The following PRMT7 variants were observed in gnomAD, a reference collection of about 807,000 sequenced individuals.
The protein encoded by PRMT7 is protein arginine N-methyltransferase 7.
In PRMT7, 75 loss-of-function variants were observed where a neutral mutation model predicts 85.4. The observed-to-expected ratio is 0.88, with a 90% CI of 0.73 to 1.06. PRMT7 has a LOEUF of 1.06. Among genes scored for constraint, PRMT7 ranks in the 50% least tolerant of loss-of-function variants. PRMT7 has a pLI of 0.00. For missense variants in PRMT7, 868 were observed against 915.2 expected (o/e 0.95, Z 0.67); for synonymous variants, 397 against 359.5 (o/e 1.10, Z -1.18).
intron 4 of PRMT7, chr16:68,323,982 T>C (rs1306447379): frequency 1.3e-5 from 2 of 152,190 alleles, no homozygotes; most frequent in Non-Finnish European, 2.9e-5. Flanking sequence ...TTAGTGAAGC[T>C]CTCTGAGTTA....
chr16:68,326,765 G>A (rs1251839688), intron 5 of PRMT7, among the ~76,000 whole-genome samples: 1 of 152,170 alleles, frequency 6.6e-6, no homozygotes, highest in Non-Finnish European at 1.5e-5. Context: ...ACACAGAATG[G>A]ATGTCGGGAG....
intron 17 of PRMT7, 122 bp downstream of exon 17, chr16:68,356,005 C>A: frequency 9.0e-7 from 1 of 1,109,766 alleles, no homozygotes; most frequent in Non-Finnish European, 1.2e-6. Context: ...TTCGTCCTCC[C>A]CACAACCTTG....
chr16:68,316,509 T>A (rs1369983195), intron 3 of PRMT7, among the ~76,000 whole-genome samples: 1 of 152,200 alleles, frequency 6.6e-6, no homozygotes, highest in Non-Finnish European at 1.5e-5. Flanking sequence ...CTCACGCCTC[T>A]AATCCTAGCA....
chr16:68,352,068 A>G, intron 14 of PRMT7, 180 bp from the exon 15 acceptor site: 1 of 598,502 alleles, frequency 1.7e-6, no homozygotes, highest in Non-Finnish European at 2.9e-6. Flanking sequence ...TTGTTGACTG[A>G]GGGAGGGAGG....
At chr16:68,340,089 C>A in intron 9 of PRMT7, 121 bp downstream of exon 9, 1 of 1,151,270 alleles carries the variant, frequency 8.7e-7, no homozygotes, top group Non-Finnish European at 1.2e-6. Flanking sequence ...GTGTCAGAAT[C>A]AAAGACAAAA....
intron 3 of PRMT7, among the ~76,000 whole-genome samples, chr16:68,318,275 C>A (rs2082104710): frequency 6.6e-6 from 1 of 151,168 alleles, no homozygotes; most frequent in Non-Finnish European, 1.5e-5. Flanking sequence ...TCTCTGCTCA[C>A]TGCAAGCTCC....
At chr16:68,325,249 A>G (rs367758014) in intron 5 of PRMT7, among the ~76,000 whole-genome samples, 9 of 152,362 alleles carry the variant, frequency 5.9e-5, no homozygotes, top group African/African-American at 1.7e-4. Context: ...TGTTCCAGCT[A>G]TTCTTGAGGC....
chr16:68,355,531 G>A lies in PRMT7; in HGVS notation c.1651-192G>A, dbSNP rs186826766. ...CCGGAGAGCGAGGCTCAGAGCCAGC[G>A]GTGCCTGGGGAGCCACTGATGAGAG... On this transcript the variant is annotated intron_variant, in intron 16 of 18. Coordinates refer to ENST00000441236, the MANE Select transcript of PRMT7 (RefSeq NM_019023.5). 4.4e-4 allele frequency: 219 copies of A among 495,406 alleles called. 1 individual carries two copies. The highest frequency in any genetic ancestry group is 3.5e-3 in the African/African-American group (176 of 50,678). 30.7% of individuals were successfully genotyped at this position (495,406 alleles called of 1,614,324 possible).
At chr16:68,344,557 C>T (rs962929034) in intron 9 of PRMT7, among the ~76,000 whole-genome samples, 2 of 152,042 alleles carry the variant, frequency 1.3e-5, no homozygotes, top group Non-Finnish European at 2.9e-5. Context: ...CCAGTTTTTG[C>T]TGGTATAAAT....
intron 4 of PRMT7, among the ~76,000 whole-genome samples, chr16:68,323,031 CA>C (rs954853011): frequency 1.5e-4 from 21 of 142,992 alleles, no homozygotes; most frequent in East Asian, 4.0e-4. Context: ...GACTCCGTCT[CA>C]AAAAAAAAAA....
intron 6 of PRMT7, among the ~76,000 whole-genome samples, chr16:68,335,931 C>T (rs1251979854): frequency 6.6e-6 from 1 of 152,112 alleles, no homozygotes; most frequent in African/African-American, 2.4e-5. Context: ...CACCCATCAC[C>T]ACGCCTGGCT....
intron 3 of PRMT7, 129 bp from the exon 4 acceptor site, chr16:68,321,297 G>T: frequency 2.9e-6 from 2 of 684,316 alleles, no homozygotes; most frequent in Non-Finnish European, 4.7e-6. Flanking sequence ...AAAGATAAAA[G>T]ACAACCAAAA....
intron 16 of PRMT7, chr16:68,355,311 T>C (rs1319126657): frequency 6.4e-6 from 1 of 156,672 alleles, no homozygotes; most frequent in African/African-American, 2.4e-5. Flanking sequence ...TGGATGCAGG[T>C]GCCCCCAGCC....
chr16:68,350,472 G>A (rs1349351586), intron 14 of PRMT7, among the ~76,000 whole-genome samples: 1 of 152,034 alleles, frequency 6.6e-6, no homozygotes, highest in Non-Finnish European at 1.5e-5. Flanking sequence ...TGGGAGTGTG[G>A]TGATGTCTCC....
rs1250427531 is a variant in PRMT7 at position 68,355,762 on chromosome 16, C to T, written c.1690C>T (p.His564Tyr). ...CAGGGAGAGCAGGGAAGCTGAGCCCCACCCGCTGTGGGAGTACCCATGCCG... is the reference window on the plus strand; with the variant it reads ...CAGGGAGAGCAGGGAAGCTGAGCCCTACCCGCTGTGGGAGTACCCATGCCG... ...DFRESREAEP[H>Y]PLWEYPCRSL... The change falls in exon 17 of 19, where the codon CAC becomes TAC. Residue 564 changes from histidine to tyrosine, a missense_variant. By Grantham distance (83) the His-to-Tyr change is moderately conservative (BLOSUM62 2). Transcript: ENST00000441236. The T allele has an allele frequency of 3.1e-6, 5 of 1,610,100 alleles. No individual in the cohort carries two copies. The highest frequency in any genetic ancestry group is 2.7e-5 in the African/African-American group (2 of 74,870).
chr16:68,357,153 T>C lies in PRMT7; in HGVS notation c.2008T>C (p.Tyr670His). The C allele has an allele frequency of 1.2e-6, 2 of 1,613,958 alleles. No individual in the cohort carries two copies. Among genetic ancestry groups the C allele is most frequent in the Non-Finnish European group, 1.7e-6 (2 of 1,180,020 alleles). ...ALLGGPRTVSYAVEFHPDTGD... is the reference protein window; with the variant it reads ...ALLGGPRTVSHAVEFHPDTGD... ...GCTGGGTGGCCCACGGACTGTCAGC[T>C]ATGCAGTGGAGTTTCACCCCGACAC... Residue 670 changes from tyrosine to histidine, a missense_variant, in exon 19 of 19, where the codon TAT becomes CAT. Coordinates refer to ENST00000441236, the MANE Select transcript of PRMT7 (RefSeq NM_019023.5).
At chr16:68,321,375 T>C (rs370652109) in intron 3 of PRMT7, 51 bp from the exon 4 acceptor site, 12 of 1,442,156 alleles carry the variant, frequency 8.3e-6, no homozygotes, top group African/African-American at 4.2e-5. Context: ...GTGAATACTC[T>C]TGTGTGTTGA....
Position 68,339,514 on chromosome 16 carries a change from G to A in PRMT7, c.697G>A (p.Val233Met), listed in dbSNP as rs1031840720. The A allele has an allele frequency of 6.2e-7, 1 of 1,614,142 alleles. No individual in the cohort carries two copies. The highest frequency in any genetic ancestry group is 8.5e-7 in the Non-Finnish European group (1 of 1,180,038). The part of the protein sequence containing the change: ...PSVCDIQLNQ[V>M]SPADFTVLSD... ...TGTCTGTGACATTCAGCTGAACCAG[G>A]TGTCACCAGCCGACTTTACAGTCCT... Residue 233 changes from valine to methionine, a missense_variant, in exon 8 of 19, where the codon GTG (valine) becomes ATG (methionine). Val to Met is a conservative substitution (Grantham distance 21, BLOSUM62 1). Coordinates refer to ENST00000441236, the MANE Select transcript of PRMT7 (RefSeq NM_019023.5).
chr16:68,312,561 G>A (rs1567617093), intron 2 of PRMT7, among the ~76,000 whole-genome samples: 1 of 152,092 alleles, frequency 6.6e-6, no homozygotes, highest in East Asian at 1.9e-4. Flanking sequence ...GAATGTAGTG[G>A]ACCATCTGCT....
Sources: allele counts gnomAD v4.1 joint callset (sites outside exome capture counted in the v4.1 genomes callset), GRCh38; gene constraint gnomAD v4.1.1; transcripts MANE v1.5; gene names NCBI Gene and HGNC (gene_info 2026-07-23, HGNC 2026-07-21).